Variants in FANCG observed in about 807,000 individuals in gnomAD.
FANCG encodes the protein FA complementation group G.
A neutral mutation model predicts 73.3 loss-of-function variants in FANCG; 67 were observed. The observed-to-expected ratio is 0.91, with a 90% CI of 0.75 to 1.12. The LOEUF is 1.12. Among genes scored for constraint, FANCG ranks in the 50% most tolerant of loss-of-function variants. The pLI, the probability that FANCG is intolerant of heterozygous loss-of-function variation, is 0.00. For synonymous variants in FANCG, 297 were observed against 311.6 expected (o/e 0.95, Z 0.49); for missense variants, 643 against 735.6 (o/e 0.87, Z 1.46).
intron 11 of FANCG, 36 bp from the exon 12 acceptor site, chr9:35,075,118 C>T (rs774891205): frequency 1.1e-5 from 17 of 1,612,916 alleles, no homozygotes; most frequent in Middle Eastern, 1.9e-4. Flanking sequence ...AGTGTCTTCC[C>T]AGCCTCACAG....
At chr9:35,074,594 T>C in intron 12 of FANCG, 100 bp from the exon 13 acceptor site, 1 of 1,498,564 alleles carries the variant, frequency 6.7e-7, no homozygotes, top group South Asian at 1.1e-5. Context: ...GGAAGTATCT[T>C]GCCTACACTC....
At position 35,075,550 on chromosome 9, in the gene FANCG, G is replaced by C; in HGVS notation, c.1348C>G (p.Leu450Val). ...AGCAGGTGGGTGGCAGAGACCCAGA[G>C]TGGGCAGTATGGCAGTTCCTTGGTT... ...KGTKELPYCP[L>V]WVSATHLLQG... The change falls in exon 10 of 14, where the codon CTC (leucine) becomes GTC (valine). Residue 450 changes from leucine (L) to valine (V), a missense_variant. Physicochemically the swap from Leu to Val is conservative, Grantham distance 32. Transcript: ENST00000378643. 6.2e-7 allele frequency: 1 copy of C among 1,614,204 alleles called. No homozygotes were observed. The highest frequency in any genetic ancestry group is 8.5e-7 in the Non-Finnish European group (1 of 1,180,042).
chr9:35,079,157 G>A lies in FANCG; in HGVS notation c.169C>T (p.Leu57=). The change falls in exon 2 of 14, where the codon CTG becomes TTG. Residue 57 remains leucine, a synonymous_variant. Coordinates refer to ENST00000378643, the MANE Select transcript of FANCG (RefSeq NM_004629.2). ...CTGGGGAGGACCCGCCTACCTTGCA[G>A]ACTATGGAGGAGCCCTCTGAGCCCT... is the stretch of plus-strand genomic sequence containing the variant. ...LEGLRGLLHS[L]QGLPAAVPVL... 1 of 1,606,888 alleles carries A rather than the reference G, an allele frequency of 6.2e-7. No homozygotes were observed. Among genetic ancestry groups the A allele is most frequent in the Non-Finnish European group, 8.5e-7 (1 of 1,176,838 alleles).
chr9:35,078,489 G>T, intron 3 of FANCG, 116 bp downstream of exon 3: 1 of 1,547,244 alleles, frequency 6.5e-7, no homozygotes, highest in Non-Finnish European at 8.9e-7. Flanking sequence ...AGAGCACAGA[G>T]AAGGGCACCT....
At chr9:35,077,235 A>C in intron 5 of FANCG, 29 bp downstream of exon 5, 2 of 1,614,224 alleles carry the variant, frequency 1.2e-6, no homozygotes, top group Non-Finnish European at 1.7e-6. Flanking sequence ...ACTTAAAGGT[A>C]GAAGAGATGA....
At position 35,078,669 on chromosome 9, in the gene FANCG, C is replaced by T. The variant is rs2131059065; in HGVS notation, c.243G>A (p.Arg81=). 2.5e-6 allele frequency: 4 copies of T among 1,614,096 alleles called. No homozygotes were observed. The South Asian group carries it at 3.3e-5, about 13-fold the overall frequency. ...CTGTGAAACCCTGGGCCAAGCTTGC[C>T]CTCAGGATAATGAAGTTGCAGGTGA... is the stretch of plus-strand genomic sequence containing the variant. ...LTVTCNFIIL[R]ASLAQGFTED... Residue 81 remains arginine, a synonymous_variant, in exon 3 of 14, where the codon AGG becomes AGA. Transcript: ENST00000378643.
Position 35,073,931 on chromosome 9 carries a change from T to C in FANCG, c.*177A>G. On this transcript the variant is annotated 3_prime_UTR_variant, in exon 14 of 14. Transcript: ENST00000378643. ...ATGACTTGGTGGTGGCAGAGATTGT[T>C]TCCTCCAAAACGAGAATGGTAGTAA... 1.5e-6 allele frequency: 1 copy of C among 676,360 alleles called. No individual in the cohort carries two copies. The highest frequency in any genetic ancestry group is 1.5e-5 in the South Asian group (1 of 65,628). The allele number at this position is 676,360 out of a possible 1,614,324, so 41.9% of individuals were successfully genotyped here.
chr9:35,075,702 TC>T lies in FANCG; in HGVS notation c.1195del (p.Glu399ArgfsTer4). On this transcript the variant is annotated frameshift_variant, in exon 10 of 14. Transcript: ENST00000378643. LOFTEE classifies it high-confidence loss of function. Reference sequence around the variant, plus strand: ...TGCCTGGATCAGTGCTACCGCTGCCTCCAAAAACACCTCAGGCATACAGGGC... The same window carrying T: ...TGCCTGGATCAGTGCTACCGCTGCCTCAAAAACACCTCAGGCATACAGGGC... The part of the protein sequence containing the change: ...PGPCMPEVFL[E>X]AAVALIQAGR... The T allele has an allele frequency of 7.3e-7, 1 of 1,370,446 alleles. No individual in the cohort carries two copies. The highest frequency in any genetic ancestry group is 1.1e-5 in the South Asian group (1 of 87,958). 84.9% of individuals were successfully genotyped at this position (1,370,446 alleles called of 1,614,324 possible).
At chr9:35,074,529 C>T (rs1407623892) in intron 12 of FANCG, 35 bp from the exon 13 acceptor site, 3 of 1,604,336 alleles carry the variant, frequency 1.9e-6, no homozygotes, top group African/African-American at 1.3e-5. Flanking sequence ...AGTCTTAGAA[C>T]TTGACATAGT....
rs753111489 is a variant in FANCG, at chr9:35,075,945, C to G, written c.1143+17G>C. On this transcript the variant is annotated intron_variant, in intron 9 of 13. Coordinates refer to ENST00000378643, the MANE Select transcript of FANCG (RefSeq NM_004629.2). ...ACCCGTCTACCCCATTGCAGAGAAG[C>G]TTGAAGACACACCCACCCTTGGCTC... The G allele has an allele frequency of 6.2e-7, 1 of 1,614,008 alleles. No individual in the cohort carries two copies. The highest frequency in any genetic ancestry group is 1.7e-5 in the Admixed American group (1 of 60,032).
rs1335298552 is a variant in FANCG at position 35,076,783 on chromosome 9, G to T, written c.865C>A (p.Leu289Ile). The change falls in exon 7 of 14, where the codon CTC (leucine) becomes ATC (isoleucine). Residue 289 changes from leucine (L) to isoleucine (I), a missense_variant. Leu to Ile is a conservative substitution (Grantham distance 5). Coordinates refer to ENST00000378643, the MANE Select transcript of FANCG (RefSeq NM_004629.2). ...GTTGTGTCCCCCAGTTGCTGATAGA[G>T]CCTAGAGGCCTCCAGAAGTGGAGGA... ...WGPPLLEASRLYQQLGDTTAE... is the reference protein window; with the variant it reads ...WGPPLLEASRIYQQLGDTTAE... The T allele has an allele frequency of 3.7e-6, 6 of 1,614,060 alleles. No homozygotes were observed. Among genetic ancestry groups the T allele is most frequent in the Non-Finnish European group, 5.1e-6 (6 of 1,180,044 alleles).
Position 35,078,206 on chromosome 9 carries a change from G to A in FANCG, c.445C>T (p.Leu149Phe), listed in dbSNP as rs368705880. 6.2e-7 allele frequency: 1 copy of A among 1,614,086 alleles called. No individual in the cohort carries two copies. Among genetic ancestry groups the A allele is most frequent in the Non-Finnish European group, 8.5e-7 (1 of 1,180,050 alleles). The change falls in exon 4 of 14, where the codon CTC becomes TTC. Residue 149 changes from leucine (L) to phenylalanine (F), a missense_variant. By Grantham distance (22) the Leu-to-Phe change is conservative. Coordinates refer to ENST00000378643, the MANE Select transcript of FANCG (RefSeq NM_004629.2). ...LHRLVGLQAA[L>F]WLSADRLGDL... is the part of the protein sequence containing the mutation. ...CCAAGACGGTCAGCACTCAACCAGA[G>A]GGCAGCCTGCAGGCCAACCAGGCGG...
In FANCG at chr9:35,075,555, C is replaced by G; in HGVS notation, c.1343G>C (p.Cys448Ser). 2 of 1,614,116 alleles carry G rather than the reference C, an allele frequency of 1.2e-6. No homozygotes were observed. Among genetic ancestry groups the G allele is most frequent in the Non-Finnish European group, 1.7e-6 (2 of 1,180,032 alleles). ...GTGGGTGGCAGAGACCCAGAGTGGG[C>G]AGTATGGCAGTTCCTTGGTTCCTTT... Reference protein sequence around the residue: ...ARKGTKELPYCPLWVSATHLL... With the variant: ...ARKGTKELPYSPLWVSATHLL... The change falls in exon 10 of 14, where the codon TGC becomes TCC. Residue 448 changes from cysteine to serine, a missense_variant. Cys to Ser is a moderately radical substitution (Grantham distance 112, BLOSUM62 -1). Coordinates refer to ENST00000378643, the MANE Select transcript of FANCG (RefSeq NM_004629.2).
intron 9 of FANCG, 78 bp from the exon 10 acceptor site, chr9:35,075,832 T>G: frequency 2.0e-6 from 3 of 1,524,482 alleles, no homozygotes; most frequent in Non-Finnish European, 2.7e-6. Context: ...TCTGGTACCA[T>G]GCAGAGTCCT....
chr9:35,074,516 C>T, intron 12 of FANCG, 22 bp from the exon 13 acceptor site: 1 of 1,613,724 alleles, frequency 6.2e-7, no homozygotes, highest in Non-Finnish European at 8.5e-7. Context: ...GCCCAGAGTA[C>T]AGAGTCTTAG....
chr9:35,074,066 A>G lies in FANCG; in HGVS notation c.*42T>C. On this transcript the variant is annotated 3_prime_UTR_variant, in exon 14 of 14. Transcript: ENST00000378643. ...CAGAAAGCCCTCCCCACAGAGAGAC[A>G]GCCCACTGGGGACCCAGCTCAAGCT... 7.1e-7 allele frequency: 1 copy of G among 1,408,940 alleles called. No homozygotes were observed. The highest frequency in any genetic ancestry group is 1.0e-6 in the Non-Finnish European group (1 of 992,950). The allele number at this position is 1,408,940 out of a possible 1,614,324, so 87.3% of individuals were successfully genotyped here. A position where few individuals can be genotyped will look rare whatever the true frequency, so the allele number is the denominator to read the frequency against.
At chr9:35,078,870 G>T in intron 2 of FANCG, 134 bp from the exon 3 acceptor site, 1 of 1,276,184 alleles carries the variant, frequency 7.8e-7, no homozygotes, top group Non-Finnish European at 1.1e-6. Context: ...AATTAGCTAA[G>T]GATTTAAAAA....
chr9:35,074,503 C>G lies in FANCG; in HGVS notation c.1637-9G>C. The G allele has an allele frequency of 6.2e-7, 1 of 1,613,854 alleles. No homozygotes were observed. Among genetic ancestry groups the G allele is most frequent in the Non-Finnish European group, 8.5e-7 (1 of 1,179,978 alleles). On this transcript the variant is annotated splice_polypyrimidine_tract_variant and intron_variant, in intron 12 of 13. Coordinates refer to ENST00000378643, the MANE Select transcript of FANCG (RefSeq NM_004629.2). The stretch of plus-strand genomic sequence containing the variant: ...GTAAGTGTCTCGATTACCTGTAGCC[C>G]CAGCCCAGAGTACAGAGTCTTAGAA...
In FANCG at chr9:35,075,763, G is replaced by T. The variant is rs778217810; in HGVS notation, c.1144-9C>A. The T allele has an allele frequency of 6.3e-7, 1 of 1,577,044 alleles. No homozygotes were observed. Among genetic ancestry groups the T allele is most frequent in the South Asian group, 1.1e-5 (1 of 90,236 alleles). ...GAGGGGGGTGGGGAGAACTGGAGTG[G>T]GAAGAAGAAGCAGTGTCTTGAAAGG... On this transcript the variant is annotated splice_polypyrimidine_tract_variant and intron_variant, in intron 9 of 13. Coordinates refer to ENST00000378643, the MANE Select transcript of FANCG (RefSeq NM_004629.2).
Sources: allele counts gnomAD v4.1 joint callset, GRCh38; gene constraint gnomAD v4.1.1; transcripts MANE v1.5; gene names NCBI Gene and HGNC (gene_info 2026-07-23, HGNC 2026-07-21).